LEKR1: variants seen among roughly 807,000 people sequenced by gnomAD.
LEKR1 encodes the protein protein LEKR1.
In LEKR1, 59 loss-of-function variants were observed where a neutral mutation model predicts 72.4. The ratio of observed to expected loss-of-function variants is 0.82; its 90% CI spans 0.66 to 1.01. LEKR1 has a LOEUF of 1.01. Ranked by LOEUF, LEKR1 falls within the 50% of genes least tolerant of loss-of-function variation. LEKR1 has a pLI of 0.00. For missense variants in LEKR1, 728 were observed against 759.2 expected, an observed-to-expected ratio of 0.96 and a Z score of 0.48; for synonymous variants, 257 against 263.2, an observed-to-expected ratio of 0.98 and a Z score of 0.23.
intron 9 of LEKR1, among the ~76,000 whole-genome samples, chr3:157,004,417 AG>A (rs1276216758): frequency 6.6e-6 from 1 of 152,182 alleles, no homozygotes; most frequent in East Asian, 1.9e-4. Flanking sequence ...TGATAAAACA[AG>A]TAATAGGACA....
In LEKR1 at chr3:156,979,280, G is replaced by A. The variant is rs535630843; in HGVS notation, c.827+5G>A. 7.9e-7 allele frequency: 1 copy of A among 1,259,046 alleles called. No individual in the cohort carries two copies. The highest frequency in any genetic ancestry group is 1.6e-5 in the African/African-American group (1 of 63,872). 78.0% of individuals were successfully genotyped at this position (1,259,046 alleles called of 1,614,324 possible). ...CAACTATAAAGAAATGCTTATGTAA[G>A]ATGGAGAATATTAAACAACTTATAA... On this transcript the variant is annotated splice_donor_5th_base_variant and intron_variant, in intron 7 of 12. Coordinates refer to ENST00000356539, the MANE Select transcript of LEKR1 (RefSeq NM_001004316.3).
At chr3:156,952,758 A>G (rs1344587524) in intron 6 of LEKR1, among the ~76,000 whole-genome samples, 3 of 151,604 alleles carry the variant, frequency 2.0e-5, no homozygotes, top group African/African-American at 7.2e-5. Context: ...ACAGATTTGC[A>G]AAGTTATTCT....
At chr3:156,875,217 G>A (rs141010841) in intron 3 of LEKR1, among the ~76,000 whole-genome samples, 29 of 151,938 alleles carry the variant, frequency 1.9e-4, no homozygotes, top group African/African-American at 6.5e-4. Context: ...TTTTAATTAC[G>A]GCCATTCTAT....
At chr3:156,888,412 T>A in intron 3 of LEKR1, 1 of 694,000 alleles carries the variant, frequency 1.4e-6, no homozygotes, top group Middle Eastern at 2.3e-4. Context: ...GTGATTTGTT[T>A]TCCTTAGCTT....
chr3:156,852,753 T>C lies in LEKR1; in HGVS notation c.49-15T>C, dbSNP rs1289424059. 7.0e-7 allele frequency: 1 copy of C among 1,418,954 alleles called. No homozygotes were observed. The highest frequency in any genetic ancestry group is 9.4e-7 in the Non-Finnish European group (1 of 1,059,452). 87.9% of individuals were successfully genotyped at this position (1,418,954 alleles called of 1,614,324 possible). On this transcript the variant is annotated splice_polypyrimidine_tract_variant and intron_variant, in intron 2 of 12. Coordinates refer to ENST00000356539, the MANE Select transcript of LEKR1 (RefSeq NM_001004316.3). ...GAATTAAAAAAATTTGGTAAGTGTA[T>C]GTTCTGTTTCCTAGATGTTGCCTGA...
intron 12 of LEKR1, among the ~76,000 whole-genome samples, chr3:157,029,637 G>A (rs1560158523): frequency 6.6e-6 from 1 of 152,140 alleles, no homozygotes; most frequent in African/African-American, 2.4e-5. Context: ...TTACACAGCA[G>A]CTCAGTCCCC....
intron 3 of LEKR1, among the ~76,000 whole-genome samples, chr3:156,884,354 G>A (rs1369333714): frequency 6.6e-6 from 1 of 151,772 alleles, no homozygotes. Context: ...TCCTTCTGTT[G>A]TGTTATTGCT....
intron 12 of LEKR1, among the ~76,000 whole-genome samples, chr3:157,036,951 T>C (rs1008387590): frequency 3.3e-5 from 5 of 152,200 alleles, no homozygotes; most frequent in Admixed American, 6.5e-5. Flanking sequence ...ATGGAAGCTA[T>C]GCAAGGAAGA....
At chr3:157,028,069 T>A in intron 11 of LEKR1, 34 bp from the exon 12 acceptor site, 1 of 1,384,480 alleles carries the variant, frequency 7.2e-7, no homozygotes, top group Non-Finnish European at 9.9e-7. Flanking sequence ...CTAGAAACTA[T>A]CGCCTACAAG....
rs370523820 is a variant in LEKR1, at chr3:156,899,551, C to T, written c.264-21024C>T. On this transcript the variant is annotated intron_variant, in intron 3 of 12. Transcript: ENST00000356539. ...ATATACACATATATACATATATACA[C>T]ATATATACATATACATGTATATATA... Among the ~76,000 whole-genome samples the T allele has an allele frequency of 5.7e-3, 504 of 88,880 alleles. 11 individuals are homozygous for T. The highest frequency in any genetic ancestry group is 0.01 in the African/African-American group (167 of 16,362). The allele number at this position is 88,880 out of a possible 152,430, so 58.3% of individuals were successfully genotyped here. A position where few individuals can be genotyped will look rare whatever the true frequency, so the allele number is the denominator to read the frequency against.
At chr3:156,860,616 T>C (rs985700802) in intron 3 of LEKR1, among the ~76,000 whole-genome samples, 10 of 152,152 alleles carry the variant, frequency 6.6e-5, no homozygotes, top group African/African-American at 2.4e-4. Context: ...GAAATAAGTG[T>C]ACCTGGCTGG....
chr3:156,896,506 T>C (rs1721199755), intron 3 of LEKR1, among the ~76,000 whole-genome samples: 1 of 152,192 alleles, frequency 6.6e-6, no homozygotes, highest in Admixed American at 6.5e-5. Context: ...CACAATGAGA[T>C]ACCATCTCAC....
intron 3 of LEKR1, among the ~76,000 whole-genome samples, chr3:156,878,540 A>G (rs1428126589): frequency 6.6e-6 from 1 of 152,096 alleles, no homozygotes; most frequent in Non-Finnish European, 1.5e-5. Context: ...TGTTTTGTGA[A>G]CTCTCATGTG....
chr3:157,010,582 G>A (rs1732813485), intron 9 of LEKR1, among the ~76,000 whole-genome samples: 1 of 151,940 alleles, frequency 6.6e-6, no homozygotes, highest in Admixed American at 6.6e-5. Flanking sequence ...AAAAACAAAA[G>A]GATTAGAAGA....
intron 5 of LEKR1, among the ~76,000 whole-genome samples, chr3:156,937,530 A>G (rs946564735): frequency 6.6e-6 from 1 of 152,228 alleles, no homozygotes; most frequent in African/African-American, 2.4e-5. Context: ...AAGTCTTGAC[A>G]TGGATCAGAG....
Position 157,028,325 on chromosome 3 carries a change from C to A in LEKR1, c.1591C>A (p.Gln531Lys). 2 of 1,613,282 alleles carry A rather than the reference C, an allele frequency of 1.2e-6. No homozygotes were observed. The highest frequency in any genetic ancestry group is 1.7e-6 in the Non-Finnish European group (2 of 1,179,598). The stretch of plus-strand genomic sequence containing the variant: ...AGAAAACTTGAGGAAGGAAATGGAA[C>A]AGAAGTCGGATGAACTGAAAAGAGT... ...VSENLRKEME[Q>K]KSDELKRVML... Residue 531 changes from glutamine to lysine, a missense_variant, in exon 12 of 13, where the codon CAG (glutamine) becomes AAG (lysine). By Grantham distance (53) the Gln-to-Lys change is moderately conservative. Coordinates refer to ENST00000356539, the MANE Select transcript of LEKR1 (RefSeq NM_001004316.3).
At chr3:156,863,312 T>C (rs746223538) in intron 3 of LEKR1, among the ~76,000 whole-genome samples, 1 of 152,050 alleles carries the variant, frequency 6.6e-6, no homozygotes, top group Non-Finnish European at 1.5e-5. Context: ...TCCATGCTGC[T>C]CTTCATCAAG....
chr3:157,029,891 G>C (rs777328017), intron 12 of LEKR1, among the ~76,000 whole-genome samples: 15 of 152,158 alleles, frequency 9.9e-5, no homozygotes, highest in Non-Finnish European at 2.1e-4. Context: ...AAAATGAGGA[G>C]TAACTTATAA....
At chr3:156,894,989 A>C (rs1263242982) in intron 3 of LEKR1, among the ~76,000 whole-genome samples, 1 of 152,256 alleles carries the variant, frequency 6.6e-6, no homozygotes, top group Middle Eastern at 3.2e-3. Context: ...CAAAGATTTC[A>C]TGATGAAAAC....
Sources: gnomAD v4.1 joint callset for allele counts (sites outside exome capture counted in the v4.1 genomes callset) on GRCh38, gnomAD v4.1.1 for gene constraint, MANE v1.5 for transcripts, NCBI Gene and HGNC (gene_info 2026-07-23, HGNC 2026-07-21) for gene names.